CSPP1: variants seen among roughly 807,000 people sequenced by gnomAD.
CSPP1 encodes centrosome and spindle pole-associated protein 1.
A neutral mutation model predicts 164.4 loss-of-function variants in CSPP1; 126 were observed. That is an observed-to-expected ratio of 0.77 (90% CI 0.66 to 0.89). CSPP1 has a LOEUF of 0.89. Among genes scored for constraint, CSPP1 ranks in the 40% least tolerant of loss-of-function variants. CSPP1 has a pLI of 0.00. For synonymous variants in CSPP1, 472 were observed against 476.7 expected, an observed-to-expected ratio of 0.99 and a Z score of 0.13; for missense variants, 1,395 against 1,449.8, an observed-to-expected ratio of 0.96 and a Z score of 0.61.
chr8:67,131,912 G>A (rs762561992), intron 15 of CSPP1, 39 bp from the exon 16 acceptor site: 52 of 1,522,580 alleles, frequency 3.4e-5, no homozygotes, highest in Non-Finnish European at 4.5e-5. Flanking sequence ...TTGCTTTGTC[G>A]TCAATGGATT....
chr8:67,173,402 A>C (rs923940387), intron 25 of CSPP1: 1 of 152,184 alleles, frequency 6.6e-6, no homozygotes, highest in African/African-American at 2.4e-5. Flanking sequence ...TGTGTTGTGT[A>C]ATTTTCCTTT....
chr8:67,193,379 T>TA, intron 29 of CSPP1, 85 bp from the exon 30 acceptor site: 1 of 1,233,728 alleles, frequency 8.1e-7, no homozygotes, highest in Non-Finnish European at 1.2e-6. Flanking sequence ...TCACAGGTGA[T>TA]AGGCACCATG....
At chr8:67,159,987 T>TTTTCC (rs1474329428) in intron 21 of CSPP1, among the ~76,000 whole-genome samples, 1 of 84,974 alleles carries the variant, frequency 1.2e-5, no homozygotes, top group East Asian at 3.0e-4. Context: ...TTTTCTTTTC[T>TTTTCC]TTTCTTTTCT....
At position 67,074,281 on chromosome 8, in the gene CSPP1, A is replaced by G. The variant is rs750627306; in HGVS notation, c.29A>G (p.Glu10Gly). 6.2e-7 allele frequency: 1 copy of G among 1,611,492 alleles called. No homozygotes were observed. Among genetic ancestry groups the G allele is most frequent in the Non-Finnish European group, 8.5e-7 (1 of 1,178,800 alleles). The change falls in exon 2 of 31, where the codon GAA becomes GGA. Residue 10 changes from glutamate (E) to glycine (G), a missense_variant. Transcript: ENST00000678616. Reference sequence around the variant, plus strand: ...GCTGATAATTTGGATGAATTTATTGAAGAGCAAAAAGCCAGATTGGCCGAA... The same window carrying G: ...GCTGATAATTTGGATGAATTTATTGGAGAGCAAAAAGCCAGATTGGCCGAA... MADNLDEFI[E>G]EQKARLAEDK...
chr8:67,158,021 C>T (rs1217342316), intron 19 of CSPP1, among the ~76,000 whole-genome samples: 2 of 152,164 alleles, frequency 1.3e-5, no homozygotes, highest in Non-Finnish European at 2.9e-5. Context: ...TTAGAATAAT[C>T]AATTCCAAGA....
chr8:67,086,895 T>C, intron 4 of CSPP1: 1 of 1,174,154 alleles, frequency 8.5e-7, no homozygotes, highest in Non-Finnish European at 1.2e-6. Context: ...TTTCTTTTTT[T>C]TTTTTTTTAC....
chr8:67,191,710 A>T (rs1358695914), intron 29 of CSPP1, among the ~76,000 whole-genome samples: 1 of 152,174 alleles, frequency 6.6e-6, no homozygotes, highest in Non-Finnish European at 1.5e-5. Context: ...GCTAGTATGG[A>T]TACTATTAAT....
At chr8:67,166,747 G>A (rs1429692443) in intron 24 of CSPP1, among the ~76,000 whole-genome samples, 1 of 141,392 alleles carries the variant, frequency 7.1e-6, no homozygotes, top group Non-Finnish European at 1.5e-5. Context: ...TTTTTTAATT[G>A]ATCATTCTTG....
chr8:67,127,055 C>T (rs906012447), intron 15 of CSPP1, among the ~76,000 whole-genome samples: 38 of 151,792 alleles, frequency 2.5e-4, no homozygotes, highest in African/African-American at 3.9e-4. Context: ...CTTTGGGCAG[C>T]GTTTGGATTT....
chr8:67,115,455 G>T (rs574632876), intron 12 of CSPP1, among the ~76,000 whole-genome samples: 1 of 152,186 alleles, frequency 6.6e-6, no homozygotes, highest in African/African-American at 2.4e-5. Flanking sequence ...CGAGGTGGTC[G>T]GATCACTTGA....
Position 67,172,401 on chromosome 8 carries a change from G to C in CSPP1, c.2829-15G>C. ...TCCTGTGAAGCACATATTATGATTT[G>C]TCATTTATCTATAGGAAAAAGGAAA... On this transcript the variant is annotated splice_polypyrimidine_tract_variant and intron_variant, in intron 24 of 30. Transcript: ENST00000678616. 6.2e-7 allele frequency: 1 copy of C among 1,600,212 alleles called. No individual in the cohort carries two copies. Among genetic ancestry groups the C allele is most frequent in the Non-Finnish European group, 8.5e-7 (1 of 1,169,974 alleles).
At chr8:67,080,023 A>G (rs1312619153) in intron 3 of CSPP1, among the ~76,000 whole-genome samples, 1 of 152,254 alleles carries the variant, frequency 6.6e-6, no homozygotes, top group Non-Finnish European at 1.5e-5. Flanking sequence ...AAAGAACAAT[A>G]TATAATTGAC....
intron 29 of CSPP1, among the ~76,000 whole-genome samples, chr8:67,192,075 T>C (rs572629914): frequency 7.4e-6 from 1 of 134,672 alleles, no homozygotes; most frequent in Non-Finnish European, 1.7e-5. Context: ...TGTTTTTTTT[T>C]TTGTTTTTTT....
chr8:67,195,431 GGA>G lies in CSPP1; in HGVS notation c.3520_3521del (p.Asp1174Ter). ...CTGATGACATCATGAAACACATAGG[GGA>G]TGACGGATCAAACTCTGTAGCAACT... ...DPDDIMKHIGDDGSNSVATEP... is the reference protein window; with the variant it reads ...DPDDIMKHIGXDGSNSVATEP... On this transcript the variant is annotated frameshift_variant, in exon 31 of 31. Coordinates refer to ENST00000678616, the MANE Select transcript of CSPP1 (RefSeq NM_001382391.1). LOFTEE classifies it high-confidence loss of function. 6.2e-7 allele frequency: 1 copy of G among 1,614,182 alleles called. No individual in the cohort carries two copies. The highest frequency in any genetic ancestry group is 8.5e-7 in the Non-Finnish European group (1 of 1,180,032).
At position 67,172,442 on chromosome 8, in the gene CSPP1, T is replaced by C. The variant is rs907738724; in HGVS notation, c.2855T>C (p.Ile952Thr). ...IRKKERNPMDIFDMARHRLQA... is the reference protein window; with the variant it reads ...IRKKERNPMDTFDMARHRLQA... ...AAAAAGGAAAGGAATCCCATGGATA[T>C]ATTTGATATGGCTAGACATCGGTTG... is the stretch of plus-strand genomic sequence containing the variant. Residue 952 changes from isoleucine to threonine, a missense_variant, in exon 25 of 31, where the codon ATA (isoleucine) becomes ACA (threonine). Coordinates refer to ENST00000678616, the MANE Select transcript of CSPP1 (RefSeq NM_001382391.1). The C allele has an allele frequency of 6.2e-7, 1 of 1,613,192 alleles. No homozygotes were observed. The highest frequency in any genetic ancestry group is 8.5e-7 in the Non-Finnish European group (1 of 1,179,188).
intron 17 of CSPP1, among the ~76,000 whole-genome samples, chr8:67,142,559 T>C (rs1201361257): frequency 6.6e-6 from 1 of 152,184 alleles, no homozygotes; most frequent in Non-Finnish European, 1.5e-5. Context: ...TGTTTATCCA[T>C]TTACCAGTTG....
chr8:67,118,922 T>C (rs933644896), intron 15 of CSPP1, 101 bp downstream of exon 15: 6 of 735,074 alleles, frequency 8.2e-6, no homozygotes, highest in Non-Finnish European at 1.2e-5. Context: ...GTATACTATT[T>C]AGTGGTATTT....
At chr8:67,098,942 C>CA (rs1813431064) in intron 7 of CSPP1, among the ~76,000 whole-genome samples, 1 of 150,304 alleles carries the variant, frequency 6.7e-6, no homozygotes, top group African/African-American at 2.4e-5. Flanking sequence ...GTTAACATCT[C>CA]AGAGTGTTTC....
chr8:67,079,597 A>G (rs1484534698), intron 3 of CSPP1, among the ~76,000 whole-genome samples: 2 of 152,054 alleles, frequency 1.3e-5, no homozygotes, highest in Non-Finnish European at 2.9e-5. Flanking sequence ...TCAAATCTCT[A>G]TGTTTTCTAT....
Sources: allele counts gnomAD v4.1 joint callset (sites outside exome capture counted in the v4.1 genomes callset), GRCh38; gene constraint gnomAD v4.1.1; transcripts MANE v1.5; gene names NCBI Gene and HGNC (gene_info 2026-07-23, HGNC 2026-07-21).